Variants in PAPPA2 observed in about 807,000 individuals in gnomAD.
The protein encoded by PAPPA2 is pappalysin 2.
In PAPPA2, 86 loss-of-function variants were observed where a neutral mutation model predicts 176.4. The observed-to-expected ratio is 0.49, with a 90% CI of 0.41 to 0.58. The LOEUF is 0.58. PAPPA2 is among the 20% of genes least tolerant of loss of function. The pLI, the probability that PAPPA2 is intolerant of heterozygous loss-of-function variation, is 0.00. For synonymous variants in PAPPA2, 809 were observed against 852.2 expected (o/e 0.95, Z 0.88); for missense variants, 2,073 against 2,256.9 (o/e 0.92, Z 1.65).
In PAPPA2 at chr1:176,740,178, A is replaced by C. The variant is rs374535119; in HGVS notation, c.4133A>C (p.Gln1378Pro). ...PSNCISEDEGQNHQGQSCIHR... is the reference protein window; with the variant it reads ...PSNCISEDEGPNHQGQSCIHR... ...AACTGCATCTCAGAGGACGAGGGGC[A>C]GAATCATCAGGGACAGAGGTACAAA... The change falls in exon 14 of 23, where the codon CAG (glutamine) becomes CCG (proline). Residue 1378 changes from glutamine (Q) to proline (P), a missense_variant. This residue lies in a region of PAPPA2 where 846 missense variants were observed against 857.9 expected (regional missense o/e 0.99). Coordinates refer to ENST00000367662, the MANE Select transcript of PAPPA2 (RefSeq NM_020318.3). 6 of 1,613,750 alleles carry C rather than the reference A, an allele frequency of 3.7e-6. No homozygotes were observed. Among genetic ancestry groups the C allele is most frequent in the Non-Finnish European group, 5.1e-6 (6 of 1,179,796 alleles).
At chr1:176,619,782 G>A (rs1655480699) in intron 3 of PAPPA2, among the ~76,000 whole-genome samples, 1 of 151,980 alleles carries the variant, frequency 6.6e-6, no homozygotes, top group Non-Finnish European at 1.5e-5. Flanking sequence ...AAGTAATATG[G>A]TCATCAAGTA....
At chr1:176,781,357 G>A (rs1478563986) in intron 17 of PAPPA2, among the ~76,000 whole-genome samples, 1 of 107,080 alleles carries the variant, frequency 9.3e-6, no homozygotes, top group Non-Finnish European at 1.9e-5. Context: ...GAAGAGCTTT[G>A]TAAGGGGCTT....
chr1:176,753,220 G>A (rs1401949870), intron 14 of PAPPA2, among the ~76,000 whole-genome samples: 2 of 152,158 alleles, frequency 1.3e-5, no homozygotes, highest in East Asian at 3.8e-4. Context: ...CCCAGTCAAG[G>A]GAGAGGAAGC....
intron 1 of PAPPA2, among the ~76,000 whole-genome samples, chr1:176,528,170 T>G (rs990229013): frequency 1.3e-5 from 2 of 152,100 alleles, no homozygotes; most frequent in Non-Finnish European, 2.9e-5. Context: ...GGTTCTGCAT[T>G]CAAATGGACC....
At chr1:176,634,144 G>A (rs906368731) in intron 3 of PAPPA2, among the ~76,000 whole-genome samples, 4 of 152,146 alleles carry the variant, frequency 2.6e-5, no homozygotes, top group African/African-American at 4.8e-5. Context: ...ACATGCACAC[G>A]TATGTTTATT....
At chr1:176,798,673 G>A (rs908922536) in intron 20 of PAPPA2, among the ~76,000 whole-genome samples, 74 of 152,178 alleles carry the variant, frequency 4.9e-4, no homozygotes, top group Admixed American at 4.6e-3. Flanking sequence ...ATATGCAAAT[G>A]GTTCTGCATA....
intron 12 of PAPPA2, among the ~76,000 whole-genome samples, chr1:176,718,768 C>A (rs1201251225): frequency 2.7e-5 from 4 of 149,048 alleles, no homozygotes; most frequent in African/African-American, 9.9e-5. Flanking sequence ...TATTTCAATT[C>A]TTTGAAATTT....
intron 14 of PAPPA2, among the ~76,000 whole-genome samples, chr1:176,762,305 T>C (rs1663738295): frequency 6.6e-6 from 1 of 151,830 alleles, no homozygotes; most frequent in African/African-American, 2.4e-5. Context: ...CCCTCTCATA[T>C]TCTCCCCTGT....
intron 3 of PAPPA2, among the ~76,000 whole-genome samples, chr1:176,665,230 T>C (rs1658574071): frequency 1.3e-5 from 2 of 152,160 alleles, no homozygotes; most frequent in African/African-American, 4.8e-5. Context: ...AACTATAAAA[T>C]CTTATCCTCA....
intron 3 of PAPPA2, among the ~76,000 whole-genome samples, chr1:176,632,122 A>G (rs1656371908): frequency 6.6e-6 from 1 of 152,162 alleles, no homozygotes; most frequent in African/African-American, 2.4e-5. Context: ...AAGACAGTGA[A>G]GATTTTCACT....
chr1:176,820,960 CA>C (rs1666640743), intron 21 of PAPPA2, among the ~76,000 whole-genome samples: 1 of 152,136 alleles, frequency 6.6e-6, no homozygotes, highest in South Asian at 2.1e-4. Flanking sequence ...AATTCCAACA[CA>C]TGAAAAAAGA....
intron 2 of PAPPA2, among the ~76,000 whole-genome samples, chr1:176,591,461 C>T (rs1018473535): frequency 6.7e-6 from 1 of 150,184 alleles, no homozygotes; most frequent in Non-Finnish European, 1.5e-5. Flanking sequence ...ATAAAGAGGT[C>T]CTTTTGCTGC....
intron 3 of PAPPA2, among the ~76,000 whole-genome samples, chr1:176,601,049 A>G (rs1319235380): frequency 2.0e-5 from 3 of 152,192 alleles, no homozygotes; most frequent in Admixed American, 1.3e-4. Flanking sequence ...TAATCCCTGA[A>G]GCAACAGTGT....
chr1:176,578,364 G>A (rs149941472), intron 2 of PAPPA2, among the ~76,000 whole-genome samples: 8 of 152,254 alleles, frequency 5.3e-5, no homozygotes, highest in Non-Finnish European at 7.3e-5. Flanking sequence ...GGGCGTGCTC[G>A]GTCCCCTTGG....
intron 21 of PAPPA2, among the ~76,000 whole-genome samples, chr1:176,823,177 C>T (rs1666730905): frequency 6.6e-6 from 1 of 152,214 alleles, no homozygotes; most frequent in Admixed American, 6.5e-5. Flanking sequence ...GAGCCAATCT[C>T]ATACATTTTA....
intron 3 of PAPPA2, among the ~76,000 whole-genome samples, chr1:176,634,554 C>T (rs1656548016): frequency 1.3e-5 from 2 of 151,584 alleles, no homozygotes; most frequent in Admixed American, 1.3e-4. Context: ...TAAACCTGCA[C>T]GTTGTGCACA....
At chr1:176,505,734 A>T (rs1025726083) in intron 1 of PAPPA2, among the ~76,000 whole-genome samples, 2 of 151,988 alleles carry the variant, frequency 1.3e-5, no homozygotes, top group African/African-American at 2.4e-5. Context: ...AAAAAAAACC[A>T]AAAAAACAAA....
chr1:176,658,649 T>C (rs577632382), intron 3 of PAPPA2, among the ~76,000 whole-genome samples: 24 of 152,038 alleles, frequency 1.6e-4, no homozygotes, highest in Non-Finnish European at 2.8e-4. Flanking sequence ...AGAAGGAGGA[T>C]AGCATGAGCA....
intron 1 of PAPPA2, among the ~76,000 whole-genome samples, chr1:176,540,882 A>G (rs1286831640): frequency 6.6e-6 from 1 of 152,182 alleles, no homozygotes; most frequent in Non-Finnish European, 1.5e-5. Flanking sequence ...CTGAGTTCTT[A>G]CTGGCTTACC....
Sources: allele counts gnomAD v4.1 joint callset (sites outside exome capture counted in the v4.1 genomes callset), GRCh38; gene constraint gnomAD v4.1.1; regional missense constraint gnomAD v4.1.1; transcripts MANE v1.5; gene names NCBI Gene and HGNC (gene_info 2026-07-23, HGNC 2026-07-21).